ADGRL3: variants seen among roughly 807,000 people sequenced by gnomAD.
The protein encoded by ADGRL3 is calcium-independent alpha-latrotoxin receptor 3.
A neutral mutation model predicts 153.5 loss-of-function variants in ADGRL3; 62 were observed. The observed-to-expected ratio is 0.40, with a 90% confidence interval of 0.33 to 0.50. ADGRL3 has a LOEUF of 0.50. Among genes scored for constraint, ADGRL3 ranks in the 20% least tolerant of loss-of-function variants. The pLI is 0.47. For missense variants in ADGRL3, 1,641 were observed against 1,859.4 expected, an observed-to-expected ratio of 0.88 and a Z score of 2.16; for synonymous variants, 710 against 672.5, an observed-to-expected ratio of 1.06 and a Z score of -0.86.
At chr4:61,494,508 T>C (rs886083791) in intron 2 of ADGRL3, among the ~76,000 whole-genome samples, 3 of 152,246 alleles carry the variant, frequency 2.0e-5, no homozygotes, top group African/African-American at 7.2e-5. Flanking sequence ...TGTTAAATAA[T>C]GTAATTTTAA....
chr4:61,945,914 G>GAGCT (rs941806979), intron 15 of ADGRL3, among the ~76,000 whole-genome samples: 1 of 152,132 alleles, frequency 6.6e-6, no homozygotes, highest in Non-Finnish European at 1.5e-5. Context: ...CTCACGCTGG[G>GAGCT]AGCTGTAGAC....
chr4:61,672,456 C>A (rs1040370957), intron 5 of ADGRL3, among the ~76,000 whole-genome samples: 1 of 152,040 alleles, frequency 6.6e-6, no homozygotes, highest in East Asian at 1.9e-4. Context: ...GGAATTTAAA[C>A]ACCTCAATAG....
At chr4:61,743,000 ATT>A (rs112125226) in intron 8 of ADGRL3, among the ~76,000 whole-genome samples, 14 of 145,768 alleles carry the variant, frequency 9.6e-5, no homozygotes, top group African/African-American at 3.2e-4. Context: ...TTAGCCTTAA[ATT>A]TTTTTTTTTT....
At chr4:61,669,033 T>A (rs2094902157) in intron 5 of ADGRL3, among the ~76,000 whole-genome samples, 1 of 152,162 alleles carries the variant, frequency 6.6e-6, no homozygotes, top group Non-Finnish European at 1.5e-5. Flanking sequence ...AAAATTTTTT[T>A]AAATGCCAGA....
At chr4:61,919,674 A>T (rs936847832) in intron 13 of ADGRL3, among the ~76,000 whole-genome samples, 3 of 152,230 alleles carry the variant, frequency 2.0e-5, no homozygotes, top group Admixed American at 2.0e-4. Flanking sequence ...GAAGAATGTG[A>T]ACAGGTCAAG....
intron 4 of ADGRL3, among the ~76,000 whole-genome samples, chr4:61,576,226 A>G (rs186266707): frequency 6.6e-6 from 1 of 152,124 alleles, no homozygotes; most frequent in East Asian, 1.9e-4. Flanking sequence ...GAGAGGTGAC[A>G]GTTTCTTTCT....
intron 2 of ADGRL3, among the ~76,000 whole-genome samples, chr4:61,468,411 C>A (rs754812352): frequency 7.9e-5 from 12 of 152,072 alleles, no homozygotes; most frequent in Non-Finnish European, 1.6e-4. Flanking sequence ...TTTTTTCCAA[C>A]AGATCTGCTT....
intron 1 of ADGRL3, among the ~76,000 whole-genome samples, chr4:61,365,728 C>T (rs1366844276): frequency 6.6e-6 from 1 of 152,168 alleles, no homozygotes; most frequent in Admixed American, 6.5e-5. Flanking sequence ...TGTAGATCAC[C>T]AGTTAGTATC....
intron 17 of ADGRL3, among the ~76,000 whole-genome samples, chr4:61,971,876 G>A (rs1363897222): frequency 6.6e-6 from 1 of 152,146 alleles, no homozygotes; most frequent in Non-Finnish European, 1.5e-5. Context: ...GTATCTCATT[G>A]TGGTTTTGAT....
At chr4:61,581,407 A>G (rs1344554158) in intron 4 of ADGRL3, among the ~76,000 whole-genome samples, 4 of 152,042 alleles carry the variant, frequency 2.6e-5, no homozygotes, top group Non-Finnish European at 4.4e-5. Flanking sequence ...ATAATCAGCA[A>G]AGAGTAATTT....
In ADGRL3 at chr4:62,031,568, G is replaced by A; in HGVS notation, c.3549G>A (p.Gln1183=). ...TCTTCACCATTTTCAATTCTCTACA[G>A]GGAATGTTTATATTTATTTTCCATT... ...AYLFTIFNSL[Q]GMFIFIFHCV... Residue 1183 remains glutamine, a synonymous_variant, in exon 23 of 27, where the codon CAG becomes CAA. Coordinates refer to ENST00000683033, the MANE Select transcript of ADGRL3 (RefSeq NM_001387552.1). The A allele has an allele frequency of 1.2e-6, 2 of 1,609,904 alleles. No homozygotes were observed. Among genetic ancestry groups the A allele is most frequent in the Non-Finnish European group, 1.7e-6 (2 of 1,177,100 alleles).
At chr4:61,970,364 T>C (rs2099022545) in intron 17 of ADGRL3, among the ~76,000 whole-genome samples, 1 of 152,180 alleles carries the variant, frequency 6.6e-6, no homozygotes, top group Admixed American at 6.5e-5. Context: ...TAAATTATTT[T>C]CTTTCTATTG....
At chr4:62,013,993 G>A (rs1034738194) in intron 21 of ADGRL3, among the ~76,000 whole-genome samples, 5 of 151,744 alleles carry the variant, frequency 3.3e-5, no homozygotes, top group African/African-American at 9.7e-5. Context: ...AAGAGGAGAG[G>A]GGATATAAGA....
intron 17 of ADGRL3, among the ~76,000 whole-genome samples, chr4:61,964,811 G>A (rs2099000200): frequency 6.6e-6 from 1 of 151,692 alleles, no homozygotes; most frequent in South Asian, 2.1e-4. Flanking sequence ...GCTTAAGAAA[G>A]CATAATCAAT....
rs995760087 is a variant in ADGRL3, at chr4:61,934,773, C to T, written c.2113-67C>T. The stretch of plus-strand genomic sequence containing the variant: ...ATCCTTGCTTGCTGGGCAACATGTA[C>T]ACCTGGATTTCTGACAGCTATGTGG... On this transcript the variant is annotated intron_variant, in intron 13 of 26. Coordinates refer to ENST00000683033, the MANE Select transcript of ADGRL3 (RefSeq NM_001387552.1). 8.7e-6 allele frequency: 11 copies of T among 1,269,352 alleles called. No individual in the cohort carries two copies. The African/African-American group carries it at 1.0e-4, about 12-fold the overall frequency. The allele number at this position is 1,269,352 out of a possible 1,614,324, so 78.6% of individuals were successfully genotyped here.
At chr4:61,638,186 CA>C (rs2093511275) in intron 5 of ADGRL3, among the ~76,000 whole-genome samples, 1 of 152,200 alleles carries the variant, frequency 6.6e-6, no homozygotes, top group South Asian at 2.1e-4. Flanking sequence ...CATATTCCTA[CA>C]ATAGAAGATT....
intron 6 of ADGRL3, among the ~76,000 whole-genome samples, chr4:61,678,672 T>C (rs936324280): frequency 3.9e-5 from 6 of 152,030 alleles, no homozygotes; most frequent in African/African-American, 7.2e-5. Context: ...CCTGAAAGTT[T>C]ACTGCCTGCC....
At chr4:61,231,613 T>C (rs1001004385) in intron 1 of ADGRL3, among the ~76,000 whole-genome samples, 2 of 152,102 alleles carry the variant, frequency 1.3e-5, no homozygotes, top group Non-Finnish European at 1.5e-5. Flanking sequence ...CTAGGTAAGG[T>C]TGTGCTTCTG....
intron 8 of ADGRL3, among the ~76,000 whole-genome samples, chr4:61,751,349 G>T (rs576899087): frequency 1.3e-5 from 2 of 152,150 alleles, no homozygotes; most frequent in South Asian, 2.1e-4. Flanking sequence ...TCCATAATAA[G>T]TTATTATTAT....
Sources: gnomAD v4.1 joint callset for allele counts (sites outside exome capture counted in the v4.1 genomes callset) on GRCh38, gnomAD v4.1.1 for gene constraint, MANE v1.5 for transcripts, NCBI Gene and HGNC (gene_info 2026-07-23, HGNC 2026-07-21) for gene names.